Variants in SPG11 observed in about 807,000 individuals in gnomAD.
SPG11 encodes the protein SPG11 vesicle trafficking associated, spatacsin.
In SPG11, 222 loss-of-function variants were observed where a neutral mutation model predicts 274.0. The observed-to-expected ratio is 0.81, with a 90% CI of 0.73 to 0.91. SPG11 has a LOEUF of 0.91. SPG11 is among the 40% of genes least tolerant of loss of function. The probability of loss-of-function intolerance (pLI) is 0.00; values close to 1 mark genes in which losing one functional copy is unlikely to be tolerated. For synonymous variants in SPG11, 1,144 were observed against 1,039.7 expected, an observed-to-expected ratio of 1.10 and a Z score of -1.93; for missense variants, 3,114 against 2,872.7, an observed-to-expected ratio of 1.08 and a Z score of -1.92.
At chr15:44,588,721 G>T in intron 28 of SPG11, 1 of 381,890 alleles carries the variant, frequency 2.6e-6, no homozygotes, top group Admixed American at 2.9e-5. Flanking sequence ...GTGGTCCTAA[G>T]ACCAACCTTT....
chr15:44,585,853 G>T lies in SPG11; in HGVS notation c.4907-3C>A. 2 of 1,613,410 alleles carry T rather than the reference G, an allele frequency of 1.2e-6. No homozygotes were observed. The highest frequency in any genetic ancestry group is 1.7e-6 in the Non-Finnish European group (2 of 1,179,538). ...GCAAAGCTTTTTCACATCTGGACCT[G>T]TGCCAAAGAGAAAAGGATATAAACA... On this transcript the variant is annotated splice_polypyrimidine_tract_variant and splice_region_variant and intron_variant, in intron 28 of 39. Transcript: ENST00000261866.
intron 18 of SPG11, 140 bp from the exon 19 acceptor site, chr15:44,608,745 T>A (rs1325600675): frequency 1.3e-6 from 1 of 758,180 alleles, no homozygotes; most frequent in African/African-American, 1.8e-5. Flanking sequence ...CAAGTAGTCA[T>A]AAGTTAACAG....
chr15:44,649,660 G>A (rs2084707313), intron 6 of SPG11, among the ~76,000 whole-genome samples: 1 of 151,378 alleles, frequency 6.6e-6, no homozygotes, highest in African/African-American at 2.4e-5. Flanking sequence ...AGGAGGCCGA[G>A]GTGGGCAGAC....
Position 44,565,916 on chromosome 15 carries a change from G to T in SPG11, c.6937C>A (p.Leu2313Ile). Residue 2313 changes from leucine to isoleucine, a missense_variant, in exon 38 of 40, where the codon CTC (leucine) becomes ATC (isoleucine). Coordinates refer to ENST00000261866, the MANE Select transcript of SPG11 (RefSeq NM_025137.4). ...AGCTTGTGGCGGCCCAAGTTGATGA[G>T]CATTGTGTTCTGGCCAGTGTTCAGA... is the stretch of plus-strand genomic sequence containing the variant. Reference protein sequence around the residue: ...HFLNTGQNTMLINLGRHKLMD... With the variant: ...HFLNTGQNTMIINLGRHKLMD... The T allele has an allele frequency of 6.2e-7, 1 of 1,613,794 alleles. No individual in the cohort carries two copies. The highest frequency in any genetic ancestry group is 8.5e-7 in the Non-Finnish European group (1 of 1,179,952).
intron 33 of SPG11, among the ~76,000 whole-genome samples, chr15:44,572,159 T>C (rs777892034): frequency 2.6e-5 from 4 of 152,214 alleles, no homozygotes; most frequent in Non-Finnish European, 4.4e-5. Flanking sequence ...TATAGAAGAA[T>C]ATTCAATGCC....
chr15:44,638,629 C>A (rs1305649536), intron 7 of SPG11, among the ~76,000 whole-genome samples: 1 of 151,966 alleles, frequency 6.6e-6, no homozygotes, highest in Non-Finnish European at 1.5e-5. Context: ...GTTTAGGGCA[C>A]AAAGGAGCTC....
intron 20 of SPG11, among the ~76,000 whole-genome samples, chr15:44,605,158 G>C (rs1306616096): frequency 2.6e-5 from 4 of 152,056 alleles, no homozygotes; most frequent in African/African-American, 9.7e-5. Context: ...ATCACAAGAG[G>C]AGAGGGTATT....
Position 44,598,734 on chromosome 15 carries a change from A to G in SPG11, c.3789T>C (p.Leu1263=). The change falls in exon 22 of 40, where the codon CTT becomes CTC. Residue 1263 remains leucine, a synonymous_variant. Coordinates refer to ENST00000261866, the MANE Select transcript of SPG11 (RefSeq NM_025137.4). The part of the protein sequence containing the change: ...ACVCFLELLG[L]DSLKLRVDMK... ...TATCAACTCTGAGCTTGAGGCTGTC[A>G]AGGCCAAGCAATTCTAAGAAACAAA... The G allele has an allele frequency of 6.2e-7, 1 of 1,614,220 alleles. No homozygotes were observed. Among genetic ancestry groups the G allele is most frequent in the Non-Finnish European group, 8.5e-7 (1 of 1,180,032 alleles).
At chr15:44,576,448 A>G (rs1195923047) in intron 30 of SPG11, among the ~76,000 whole-genome samples, 2 of 151,874 alleles carry the variant, frequency 1.3e-5, no homozygotes, top group Non-Finnish European at 1.5e-5. Context: ...GGAGATCGAG[A>G]CCATCCTGGC....
At chr15:44,606,971 A>C (rs2083337421) in intron 19 of SPG11, among the ~76,000 whole-genome samples, 1 of 152,172 alleles carries the variant, frequency 6.6e-6, no homozygotes, top group African/African-American at 2.4e-5. Flanking sequence ...TCCCAGTAAA[A>C]CTATGTTTTT....
intron 1 of SPG11, among the ~76,000 whole-genome samples, chr15:44,662,541 G>A (rs1249336325): frequency 6.6e-6 from 1 of 151,364 alleles, no homozygotes; most frequent in African/African-American, 2.4e-5. Context: ...GGTGGTGCAC[G>A]CCTGTAGTCG....
chr15:44,572,980 CTTT>C (rs974510197), intron 32 of SPG11, among the ~76,000 whole-genome samples, 160 bp from the exon 33 acceptor site: 2 of 83,302 alleles, frequency 2.4e-5, no homozygotes, highest in African/African-American at 5.1e-5. Flanking sequence ...GACAGGAGTT[CTTT>C]TTTTTTTTTT....
intron 7 of SPG11, among the ~76,000 whole-genome samples, chr15:44,641,460 A>G (rs2084435814): frequency 6.6e-6 from 1 of 152,112 alleles, no homozygotes; most frequent in Non-Finnish European, 1.5e-5. Context: ...CACACAAACA[A>G]CAAAGAATTG....
chr15:44,594,612 AAAAAG>A (rs2082987207), intron 26 of SPG11, among the ~76,000 whole-genome samples: 1 of 150,622 alleles, frequency 6.6e-6, no homozygotes, highest in Admixed American at 6.6e-5. Context: ...AAAAAAAAAA[AAAAAG>A]CCAGGCATGG....
intron 7 of SPG11, among the ~76,000 whole-genome samples, chr15:44,644,007 CAA>C: frequency 6.8e-6 from 1 of 147,660 alleles, no homozygotes; most frequent in African/African-American, 2.5e-5. Flanking sequence ...ACTAAAAATA[CAA>C]AAAAAAAATT....
At chr15:44,563,637 C>T (rs1293369899) in intron 39 of SPG11, among the ~76,000 whole-genome samples, 1 of 150,116 alleles carries the variant, frequency 6.7e-6, no homozygotes, top group African/African-American at 2.5e-5. Context: ...TGTGGCTGCC[C>T]TTTTTTTTCT....
Position 44,572,707 on chromosome 15 carries a change from C to G in SPG11, c.6319G>C (p.Val2107Leu). 2 of 1,614,082 alleles carry G rather than the reference C, an allele frequency of 1.2e-6. No homozygotes were observed. The highest frequency in any genetic ancestry group is 1.6e-4 in the Middle Eastern group (1 of 6,062). The part of the protein sequence containing the change: ...GMKLLDKISS[V>L]PHGELSCTTE... ...CTGCAAGACAGTTCCCCATGGGGAA[C>G]GGAGGAAATCTTATCCAACAACTTC... The change falls in exon 33 of 40, where the codon GTT (valine) becomes CTT (leucine). Residue 2107 changes from valine (V) to leucine (L), a missense_variant. Physicochemically the swap from Val to Leu is conservative, Grantham distance 32. Coordinates refer to ENST00000261866, the MANE Select transcript of SPG11 (RefSeq NM_025137.4).
chr15:44,648,797 T>G lies in SPG11; in HGVS notation c.1602+69A>C, dbSNP rs1030584977. The G allele has an allele frequency of 3.9e-6, 6 of 1,530,782 alleles. No individual in the cohort carries two copies. In the African/African-American group the frequency reaches 8.2e-5, roughly 21 times the overall value. 94.8% of individuals were successfully genotyped at this position (1,530,782 alleles called of 1,614,324 possible). A position where few individuals can be genotyped will look rare whatever the true frequency, so the allele number is the denominator to read the frequency against. Reference sequence around the variant, plus strand: ...GCTAAATTAAATGAATTCTCTCAAATCCTAAATCGAATAAAAGTATATAAC... The same window carrying G: ...GCTAAATTAAATGAATTCTCTCAAAGCCTAAATCGAATAAAAGTATATAAC... On this transcript the variant is annotated intron_variant, in intron 7 of 39. Transcript: ENST00000261866.
At position 44,564,695 on chromosome 15, in the gene SPG11, A is replaced by G; in HGVS notation, c.7003T>C (p.Ser2335Pro). Residue 2335 changes from serine to proline, a missense_variant, in exon 39 of 40, where the codon TCT becomes CCT. Coordinates refer to ENST00000261866, the MANE Select transcript of SPG11 (RefSeq NM_025137.4). ...ILALPRFYQA[S>P]IVAEAYDFVP... Reference sequence around the variant, plus strand: ...AAATCGTAGGCCTCAGCCACAATAGAAGCCTTAAAAGGAGAGGTGAAGAAG... The same window carrying G: ...AAATCGTAGGCCTCAGCCACAATAGGAGCCTTAAAAGGAGAGGTGAAGAAG... The G allele has an allele frequency of 6.2e-7, 1 of 1,614,188 alleles. No individual in the cohort carries two copies. Among genetic ancestry groups the G allele is most frequent in the Non-Finnish European group, 8.5e-7 (1 of 1,180,036 alleles).
Sources: gnomAD v4.1 joint callset for allele counts (sites outside exome capture counted in the v4.1 genomes callset) on GRCh38, gnomAD v4.1.1 for gene constraint, MANE v1.5 for transcripts, NCBI Gene and HGNC (gene_info 2026-07-23, HGNC 2026-07-21) for gene names.